Variants in SLC17A7 observed in about 807,000 individuals in gnomAD.
SLC17A7 encodes solute carrier family 17 member 7.
SLC17A7 carries 15 observed loss-of-function variants against 59.1 expected under a neutral mutation model. The ratio of observed to expected loss-of-function variants is 0.25; its 90% confidence interval spans 0.17 to 0.39. SLC17A7 has a LOEUF of 0.39. SLC17A7 is among the 10% of genes least tolerant of loss of function. SLC17A7 has a pLI of 1.00. For synonymous variants in SLC17A7, 353 were observed against 308.9 expected, an observed-to-expected ratio of 1.14 and a Z score of -1.50; for missense variants, 499 against 765.1, an observed-to-expected ratio of 0.65 and a Z score of 4.10.
At chr19:49,441,143 G>C (rs1187726149) in intron 1 of SLC17A7, among the ~76,000 whole-genome samples, 175 bp downstream of exon 1, 1 of 152,134 alleles carries the variant, frequency 6.6e-6, no homozygotes, top group African/African-American at 2.4e-5. Context: ...CAGGATAATG[G>C]ACAAGGCTCG....
At chr19:49,434,454 A>T in intron 5 of SLC17A7, 148 bp downstream of exon 5, 1 of 686,576 alleles carries the variant, frequency 1.5e-6, no homozygotes, top group Non-Finnish European at 2.2e-6. Context: ...CTCTTCCCTC[A>T]GACCTGGGAG....
chr19:49,433,964 G>A lies in SLC17A7; in HGVS notation c.720C>T (p.Val240=), dbSNP rs1407192083. Residue 240 remains valine (V), a synonymous_variant, in exon 6 of 12, where the codon GTC becomes GTT. Transcript: ENST00000221485. This position sits in a 1 kb window ranked among gnomAD's most constrained non-coding sequence, Gnocchi z 5.7. The stretch of plus-strand genomic sequence containing the variant: ...CCAGGCATCCGGGTCCCTCACCGTA[G>A]ACGTAGAAAACAGAGCTCCATCCTG... The part of the protein sequence containing the change: ...QYSGWSSVFY[V]YGSFGIFWYL... The A allele has an allele frequency of 1.9e-6, 3 of 1,613,602 alleles. No homozygotes were observed. The highest frequency in any genetic ancestry group is 1.1e-5 in the South Asian group (1 of 91,084).
At position 49,436,808 on chromosome 19, in the gene SLC17A7, G is replaced by A; in HGVS notation, c.63-7C>T. The A allele has an allele frequency of 6.3e-7, 1 of 1,599,152 alleles. No homozygotes were observed. Among genetic ancestry groups the A allele is most frequent in the Non-Finnish European group, 8.5e-7 (1 of 1,178,922 alleles). On this transcript the variant is annotated splice_polypyrimidine_tract_variant and splice_region_variant and intron_variant, in intron 1 of 11. Coordinates refer to ENST00000221485, the MANE Select transcript of SLC17A7 (RefSeq NM_020309.4). This position sits in a 1 kb window ranked among gnomAD's most constrained non-coding sequence, Gnocchi z 4.1. ...CTGCCGCTTCTCCAGAAGGCTGCGG[G>A]ACAGCAAGAGCCAGAGACTCGGAAG...
At chr19:49,434,991 C>T in intron 3 of SLC17A7, 109 bp from the exon 4 acceptor site, 1 of 1,128,694 alleles carries the variant, frequency 8.9e-7, no homozygotes, top group Admixed American at 1.8e-5. Context: ...ACCCCAGGTC[C>T]CACCACCTCT....
At chr19:49,434,522 C>T (rs1276105461) in intron 5 of SLC17A7, 80 bp downstream of exon 5, 15 of 1,299,410 alleles carry the variant, frequency 1.2e-5, no homozygotes, top group Admixed American at 2.3e-5. Flanking sequence ...CCCCCCAGCC[C>T]CTCCCCGCTC....
chr19:49,441,472 C>A lies in SLC17A7; in HGVS notation c.-93G>T. The stretch of plus-strand genomic sequence containing the variant: ...GCGGCCGCGTCCGGGTTCCCGGGGT[C>A]CAGCCCCGGCCCGGCCGGCCCCGCA... On this transcript the variant is annotated 5_prime_UTR_variant, in exon 1 of 12. Transcript: ENST00000221485. The A allele has an allele frequency of 1.0e-6, 1 of 972,290 alleles. No individual in the cohort carries two copies. The highest frequency in any genetic ancestry group is 5.1e-5 in the South Asian group (1 of 19,704). 60.2% of individuals were successfully genotyped at this position (972,290 alleles called of 1,614,324 possible). A position where few individuals can be genotyped will look rare whatever the true frequency, so the allele number is the denominator to read the frequency against.
chr19:49,433,954 C>T lies in SLC17A7; in HGVS notation c.724+6G>A, dbSNP rs1318312500. On this transcript the variant is annotated splice_donor_region_variant and intron_variant, in intron 6 of 11. Coordinates refer to ENST00000221485, the MANE Select transcript of SLC17A7 (RefSeq NM_020309.4). The surrounding 1 kb of genome is among the most constrained non-coding windows in gnomAD (Gnocchi z 5.7). ...CCACCCGGAACCAGGCATCCGGGTC[C>T]CTCACCGTAGACGTAGAAAACAGAG... The T allele has an allele frequency of 3.7e-6, 6 of 1,613,530 alleles. No homozygotes were observed. Among genetic ancestry groups the T allele is most frequent in the Admixed American group, 3.3e-5 (2 of 60,002 alleles).
In SLC17A7 at chr19:49,434,062, CG is replaced by C; in HGVS notation, c.638-17del. The C allele has an allele frequency of 1.3e-6, 2 of 1,570,694 alleles. No homozygotes were observed. Among genetic ancestry groups the C allele is most frequent in the Non-Finnish European group, 1.8e-6 (2 of 1,141,088 alleles). On this transcript the variant is annotated splice_polypyrimidine_tract_variant and intron_variant, in intron 5 of 11. Coordinates refer to ENST00000221485, the MANE Select transcript of SLC17A7 (RefSeq NM_020309.4). The stretch of plus-strand genomic sequence containing the variant: ...GCATAGGAACCTAAGGGGGAGGATG[CG>C]GGGGAGAGAACAGGCCCATCTTCCC...
chr19:49,436,308 CA>C lies in SLC17A7; in HGVS notation c.315+240del. Reference sequence around the variant, plus strand: ...ATGTTGGGGCGGACTCTACATTTTTCAATCAAGCCCCTGGAAATAAGGGCGG... The same window carrying C: ...ATGTTGGGGCGGACTCTACATTTTTCATCAAGCCCCTGGAAATAAGGGCGG... On this transcript the variant is annotated intron_variant, in intron 2 of 11. Transcript: ENST00000221485. The surrounding 1 kb of genome is among the most constrained non-coding windows in gnomAD (Gnocchi z 4.1). The C allele has an allele frequency of 1.7e-6, 1 of 572,786 alleles. No individual in the cohort carries two copies. The highest frequency in any genetic ancestry group is 3.1e-6 in the Non-Finnish European group (1 of 325,988). The allele number at this position is 572,786 out of a possible 1,614,324, so 35.5% of individuals were successfully genotyped here.
chr19:49,431,457 G>A lies in SLC17A7; in HGVS notation c.1151-9C>T, dbSNP rs763423220. On this transcript the variant is annotated splice_polypyrimidine_tract_variant and intron_variant, in intron 9 of 11. Transcript: ENST00000221485. The surrounding 1 kb of genome is among the most constrained non-coding windows in gnomAD (Gnocchi z 4.6). ...GGCTTCCATGCCGAAGCCTACGGGG[G>A]CGGGGGGGGCCCGCGTCTCCTGAGT... The A allele has an allele frequency of 8.1e-6, 13 of 1,611,672 alleles. No homozygotes were observed. Among genetic ancestry groups the A allele is most frequent in the African/African-American group, 2.7e-5 (2 of 74,876 alleles).
chr19:49,434,849 A>C lies in SLC17A7; in HGVS notation c.468T>G (p.Thr156=). The change falls in exon 4 of 12, where the codon ACT becomes ACG. Residue 156 remains threonine, a synonymous_variant. Transcript: ENST00000221485. ...VFGFAIVATS[T]LNMLIPSAAR... is the part of the protein sequence containing the mutation. Reference sequence around the variant, plus strand: ...CAGCTGAGGGGATCAGCATGTTTAGAGTGGATGTTGCCACAATAGCAAAGC... The same window carrying C: ...CAGCTGAGGGGATCAGCATGTTTAGCGTGGATGTTGCCACAATAGCAAAGC... 2 of 1,614,086 alleles carry C rather than the reference A, an allele frequency of 1.2e-6. No individual in the cohort carries two copies. Among genetic ancestry groups the C allele is most frequent in the Non-Finnish European group, 1.7e-6 (2 of 1,179,974 alleles).
chr19:49,433,689 C>T lies in SLC17A7; in HGVS notation c.867+37G>A. The T allele has an allele frequency of 6.2e-7, 1 of 1,614,016 alleles. No individual in the cohort carries two copies. The highest frequency in any genetic ancestry group is 8.5e-7 in the Non-Finnish European group (1 of 1,179,952). Reference sequence around the variant, plus strand: ...GCTGTGCAGGTTCGTGGCTTGCTATCTCTCCCCGCCCCTTCCCCGAAGATT... The same window carrying T: ...GCTGTGCAGGTTCGTGGCTTGCTATTTCTCCCCGCCCCTTCCCCGAAGATT... On this transcript the variant is annotated intron_variant, in intron 7 of 11. Transcript: ENST00000221485. The surrounding 1 kb of genome is among the most constrained non-coding windows in gnomAD (Gnocchi z 5.7).
chr19:49,430,229 C>T lies in SLC17A7; in HGVS notation c.*290G>A. The T allele has an allele frequency of 3.5e-6, 1 of 286,174 alleles. No individual in the cohort carries two copies. Among genetic ancestry groups the T allele is most frequent in the South Asian group, 8.4e-5 (1 of 11,970 alleles). The allele number at this position is 286,174 out of a possible 1,614,324, so 17.7% of individuals were successfully genotyped here. A position where few individuals can be genotyped will look rare whatever the true frequency, so the allele number is the denominator to read the frequency against. ...AAGAGAGAGTAAGAGGTCGAACTGTCCATTCAAATAAAGCCCTGAAAGGAG... is the reference window on the plus strand; with the variant it reads ...AAGAGAGAGTAAGAGGTCGAACTGTTCATTCAAATAAAGCCCTGAAAGGAG... On this transcript the variant is annotated 3_prime_UTR_variant, in exon 12 of 12. Transcript: ENST00000221485.
rs535875411 is a variant in SLC17A7, at chr19:49,433,096, C to T, written c.868-136G>A. ...ACTGAAACTTCTATGGACCCAAAGGCGCGGGCTACACCATGTTGCCGTGGG... is the reference window on the plus strand; with the variant it reads ...ACTGAAACTTCTATGGACCCAAAGGTGCGGGCTACACCATGTTGCCGTGGG... On this transcript the variant is annotated intron_variant, in intron 7 of 11. Transcript: ENST00000221485. The surrounding 1 kb of genome is among the most constrained non-coding windows in gnomAD (Gnocchi z 5.7). 3.0e-5 allele frequency: 28 copies of T among 925,680 alleles called. 1 individual carries two copies. Among genetic ancestry groups the T allele is most frequent in the Non-Finnish European group, 4.2e-5 (26 of 616,512 alleles). 57.3% of individuals were successfully genotyped at this position (925,680 alleles called of 1,614,324 possible).
Position 49,431,104 on chromosome 19 carries a change from C to G in SLC17A7, c.1300G>C (p.Ala434Pro). 1 of 1,613,916 alleles carries G rather than the reference C, an allele frequency of 6.2e-7. No individual in the cohort carries two copies. ...VNHLDIAPRY[A>P]SILMGISNGV... ...TTGGAGATGCCCATGAGGATGCTGG[C>G]GTAGCGCGGGGCTATGTCCAGGTGG... The change falls in exon 11 of 12, where the codon GCC becomes CCC. Residue 434 changes from alanine (A) to proline (P), a missense_variant. By Grantham distance (27) the Ala-to-Pro change is conservative. Transcript: ENST00000221485. This position sits in a 1 kb window ranked among gnomAD's most constrained non-coding sequence, Gnocchi z 4.6.
Position 49,432,621 on chromosome 19 carries a change from C to G in SLC17A7, c.1048G>C (p.Val350Leu). The G allele has an allele frequency of 6.2e-7, 1 of 1,613,838 alleles. No individual in the cohort carries two copies. The highest frequency in any genetic ancestry group is 8.5e-7 in the Non-Finnish European group (1 of 1,179,940). Reference protein sequence around the residue: ...VGLVSALPHLVMTIIVPIGGQ... With the variant: ...VGLVSALPHLLMTIIVPIGGQ... ...CCGATGGGCACGATGATGGTCATGA[C>G]CAGGTGGGGCAGCGCGGACACCAGG... is the stretch of plus-strand genomic sequence containing the variant. The change falls in exon 9 of 12, where the codon GTC becomes CTC. Residue 350 changes from valine (V) to leucine (L), a missense_variant. This residue lies in a region of SLC17A7 where 323 missense variants were observed against 607.2 expected (regional missense o/e 0.53). Transcript: ENST00000221485.
intron 1 of SLC17A7, 89 bp downstream of exon 1, chr19:49,441,229 C>G: frequency 6.5e-7 from 1 of 1,544,226 alleles, no homozygotes; most frequent in Non-Finnish European, 8.7e-7. Flanking sequence ...CGGGGTATCG[C>G]CCGTTCATCT....
chr19:49,434,733 G>A, intron 4 of SLC17A7, 35 bp downstream of exon 4: 1 of 1,614,000 alleles, frequency 6.2e-7, no homozygotes, highest in South Asian at 1.1e-5. Context: ...GGCAGGGTCC[G>A]AGCGAGGGCA....
rs1323928899 is a variant in SLC17A7 at position 49,433,481 on chromosome 19, G to T, written c.867+245C>A. ...ACCCCCACATTCTAATCCCTTCTCT[G>T]CTGGCTTTAACTATGCCCTGTCAGT... On this transcript the variant is annotated intron_variant, in intron 7 of 11. Coordinates refer to ENST00000221485, the MANE Select transcript of SLC17A7 (RefSeq NM_020309.4). The surrounding 1 kb of genome is among the most constrained non-coding windows in gnomAD (Gnocchi z 5.7). 6 of 656,114 alleles carry T rather than the reference G, an allele frequency of 9.1e-6. No individual in the cohort carries two copies. Among genetic ancestry groups the T allele is most frequent in the African/African-American group, 1.8e-5 (1 of 55,920 alleles). 40.6% of individuals were successfully genotyped at this position (656,114 alleles called of 1,614,324 possible).
Sources: gnomAD v4.1 joint callset for allele counts (sites outside exome capture counted in the v4.1 genomes callset) on GRCh38, gnomAD v4.1.1 for gene constraint, gnomAD v4.1.1 regional missense constraint, Gnocchi (gnomAD v3.1) non-coding constraint, MANE v1.5 for transcripts, NCBI Gene and HGNC (gene_info 2026-07-23, HGNC 2026-07-21) for gene names.